Variants in CATSPERE observed in about 807,000 individuals in gnomAD.
CATSPERE encodes the protein catsper channel auxiliary subunit epsilon.
CATSPERE carries 93 observed loss-of-function variants against 114.1 expected under a neutral mutation model. The observed-to-expected ratio is 0.81, with a 90% CI of 0.69 to 0.97. The LOEUF (loss-of-function observed/expected upper bound fraction) is 0.97, where lower values mean the gene tolerates loss of function less well. Among genes scored for constraint, CATSPERE ranks in the 50% least tolerant of loss-of-function variants. The pLI is 0.00. For synonymous variants in CATSPERE, 341 were observed against 384.1 expected (o/e 0.89, Z 1.31); for missense variants, 1,058 against 1,131.6 (o/e 0.93, Z 0.93).
In CATSPERE at chr1:244,568,841, C is replaced by A. The variant is rs1005627986; in HGVS notation, c.1508-3489C>A. On this transcript the variant is annotated intron_variant, in intron 10 of 21. Transcript: ENST00000366534. This position sits in a 1 kb window ranked among gnomAD's most constrained non-coding sequence, Gnocchi z 4.4. ...TCCCTGGCTTCAGCCCCCTTTCCAGCGGAGTGAATCGTTCTCTCTCACTGG... is the reference window on the plus strand; with the variant it reads ...TCCCTGGCTTCAGCCCCCTTTCCAGAGGAGTGAATCGTTCTCTCTCACTGG... 1.3e-5 allele frequency among the ~76,000 whole-genome samples: 2 copies of A among 152,106 alleles called. No homozygotes were observed. Among genetic ancestry groups the A allele is most frequent in the African/African-American group, 2.4e-5 (1 of 41,422 alleles).
chr1:244,477,854 A>G (rs1669615879), intron 3 of CATSPERE, 52 bp from the exon 4 acceptor site: 1 of 1,364,346 alleles, frequency 7.3e-7, no homozygotes, highest in Non-Finnish European at 1.0e-6. Context: ...AGGGAATTTT[A>G]TTAATATCAT....
chr1:244,533,473 A>T (rs1679925105), intron 8 of CATSPERE, among the ~76,000 whole-genome samples: 1 of 149,384 alleles, frequency 6.7e-6, no homozygotes, highest in African/African-American at 2.5e-5. Flanking sequence ...AGTGAAGGTG[A>T]TTTTCTCAGG....
At chr1:244,482,135 G>A (rs1261901469) in intron 5 of CATSPERE, among the ~76,000 whole-genome samples, 1 of 152,136 alleles carries the variant, frequency 6.6e-6, no homozygotes, top group African/African-American at 2.4e-5. Flanking sequence ...TATATTGTAA[G>A]AATTTTCAGT....
At chr1:244,452,248 G>C (rs1665665095), upstream of CATSPERE, 1 of 156,504 alleles carries the variant, frequency 6.4e-6, no homozygotes, top group Non-Finnish European at 1.4e-5. Context: ...GCGGAAGCGC[G>C]TGTGGAGCGT....
At chr1:244,501,656 TGA>T (rs1445991173) in intron 7 of CATSPERE, among the ~76,000 whole-genome samples, 1 of 152,260 alleles carries the variant, frequency 6.6e-6, no homozygotes, top group African/African-American at 2.4e-5. Context: ...AGTATGATAT[TGA>T]CTTAATTTCT....
intron 2 of CATSPERE, among the ~76,000 whole-genome samples, chr1:244,476,698 T>C (rs1313537669): frequency 1.3e-5 from 2 of 152,208 alleles, no homozygotes; most frequent in African/African-American, 4.8e-5. Context: ...CAACTCTGGC[T>C]GAAGAAGAGG....
chr1:244,542,841 A>G (rs113894299), intron 8 of CATSPERE, among the ~76,000 whole-genome samples: 140 of 152,284 alleles, frequency 9.2e-4, no homozygotes, highest in African/African-American at 3.1e-3. Context: ...CCAAACAACA[A>G]TACAATAGGT....
chr1:244,581,165 T>C (rs1252825773), intron 11 of CATSPERE, among the ~76,000 whole-genome samples: 1 of 152,178 alleles, frequency 6.6e-6, no homozygotes, highest in African/African-American at 2.4e-5. Flanking sequence ...TCCATAAACA[T>C]CTACATATAT....
At chr1:244,524,122 A>T (rs1678103372) in intron 8 of CATSPERE, among the ~76,000 whole-genome samples, 1 of 150,794 alleles carries the variant, frequency 6.6e-6, no homozygotes, top group Non-Finnish European at 1.5e-5. Context: ...ACAGCATGGT[A>T]TTGGTACCAA....
chr1:244,520,458 A>G (rs1034532930), intron 8 of CATSPERE, among the ~76,000 whole-genome samples: 15 of 152,156 alleles, frequency 9.9e-5, no homozygotes, highest in African/African-American at 3.6e-4. Context: ...ATGTGACAGT[A>G]TATTTCTGGA....
At chr1:244,631,994 G>C (rs1674006033) in intron 20 of CATSPERE, among the ~76,000 whole-genome samples, 1 of 152,166 alleles carries the variant, frequency 6.6e-6, no homozygotes, top group Non-Finnish European at 1.5e-5. Flanking sequence ...GTTGAGCCAG[G>C]GAGGTTGAAG....
intron 8 of CATSPERE, among the ~76,000 whole-genome samples, chr1:244,520,013 G>T (rs1677258571): frequency 6.8e-6 from 1 of 147,686 alleles, no homozygotes; most frequent in Non-Finnish European, 1.5e-5. Flanking sequence ...CTAGCCCTAA[G>T]AGTTCTTTAT....
rs181280899 is a variant in CATSPERE, at chr1:244,610,351, T to C, written c.2490+25T>C. ...GGTAAGAGAAACATTACCTTCCAGA[T>C]TGTTTATTTGGAATAACTAATCTGG... On this transcript the variant is annotated intron_variant, in intron 19 of 21. Coordinates refer to ENST00000366534, the MANE Select transcript of CATSPERE (RefSeq NM_001130957.2). The C allele has an allele frequency of 7.6e-5, 116 of 1,529,672 alleles. 2 individuals carry two copies. The African/African-American group carries it at 1.2e-3, about 16-fold the overall frequency. The allele number at this position is 1,529,672 out of a possible 1,614,324, so 94.8% of individuals were successfully genotyped here. A position where few individuals can be genotyped will look rare whatever the true frequency, so the allele number is the denominator to read the frequency against.
chr1:244,608,693 C>T (rs1670322760), intron 18 of CATSPERE, among the ~76,000 whole-genome samples: 2 of 152,126 alleles, frequency 1.3e-5, no homozygotes. Flanking sequence ...CTGCTTTCTC[C>T]TTCTCCCTCT....
intron 20 of CATSPERE, among the ~76,000 whole-genome samples, chr1:244,624,519 C>T (rs1308914629): frequency 2.6e-5 from 4 of 151,936 alleles, no homozygotes; most frequent in African/African-American, 7.3e-5. Flanking sequence ...AAGAAAGCAA[C>T]GCTGGGTGTG....
chr1:244,603,417 G>A (rs1669536822), intron 17 of CATSPERE, among the ~76,000 whole-genome samples: 2 of 152,266 alleles, frequency 1.3e-5, no homozygotes, highest in South Asian at 4.1e-4. Context: ...CTGCCAACTA[G>A]TAACATTTCT....
intron 20 of CATSPERE, among the ~76,000 whole-genome samples, chr1:244,619,181 A>T (rs1358563834): frequency 1.3e-5 from 2 of 152,184 alleles, no homozygotes; most frequent in Non-Finnish European, 2.9e-5. Context: ...AAAGTTAACA[A>T]TACGGATGTG....
At chr1:244,516,526 T>G (rs1405234483) in intron 7 of CATSPERE, among the ~76,000 whole-genome samples, 1 of 150,676 alleles carries the variant, frequency 6.6e-6, no homozygotes, top group South Asian at 2.1e-4. Flanking sequence ...AGGGTTTTGT[T>G]TTTTTTTTTC....
intron 8 of CATSPERE, among the ~76,000 whole-genome samples, chr1:244,526,803 C>T (rs1678702934): frequency 6.6e-6 from 1 of 152,044 alleles, no homozygotes; most frequent in Non-Finnish European, 1.5e-5. Flanking sequence ...CCCTAAGTGT[C>T]AGCCAGCCTG....
Sources: allele counts gnomAD v4.1 joint callset (sites outside exome capture counted in the v4.1 genomes callset), GRCh38; gene constraint gnomAD v4.1.1; non-coding constraint Gnocchi (gnomAD v3.1); transcripts MANE v1.5; gene names NCBI Gene and HGNC (gene_info 2026-07-23, HGNC 2026-07-21).